Variants in EBF1 observed in about 807,000 individuals in gnomAD.
EBF1 encodes the protein EBF transcription factor 1, also known as transcription factor COE1.
In EBF1, 10 loss-of-function variants were observed where a neutral mutation model predicts 68.4. The ratio of observed to expected loss-of-function variants is 0.15; its 90% confidence interval spans 0.09 to 0.25. EBF1 has a LOEUF of 0.25. EBF1 is among the 10% of genes least tolerant of loss of function. EBF1 has a pLI of 1.00. For synonymous variants in EBF1, 298 were observed against 299.8 expected (o/e 0.99, Z 0.06); for missense variants, 509 against 794.4 (o/e 0.64, Z 4.32).
intron 6 of EBF1, among the ~76,000 whole-genome samples, chr5:159,042,270 C>T (rs773432505): frequency 4.6e-5 from 7 of 152,222 alleles, no homozygotes; most frequent in Admixed American, 3.9e-4. Context: ...GGAATGAGGA[C>T]GTGGCAAACC....
intron 9 of EBF1, among the ~76,000 whole-genome samples, chr5:158,780,938 C>A (rs1776347305): frequency 6.6e-6 from 1 of 152,306 alleles, no homozygotes; most frequent in Admixed American, 6.5e-5. Flanking sequence ...AGAACAGATT[C>A]ATTCTTTGAC....
chr5:159,092,365 A>G (rs554939232), intron 4 of EBF1, among the ~76,000 whole-genome samples: 1 of 152,340 alleles, frequency 6.6e-6, no homozygotes, highest in East Asian at 1.9e-4. Flanking sequence ...TTAAAATATT[A>G]TATCCTGTGT....
intron 6 of EBF1, among the ~76,000 whole-genome samples, chr5:159,047,975 T>A (rs1772766536): frequency 6.6e-6 from 1 of 152,126 alleles, no homozygotes; most frequent in South Asian, 2.1e-4. Context: ...TCCAATCATG[T>A]CTCATTCATC....
chr5:158,984,741 C>T (rs1758672186), intron 6 of EBF1: 2 of 138,584 alleles, frequency 1.4e-5, no homozygotes, highest in South Asian at 4.5e-4. Context: ...GGCTGCAGTG[C>T]AGTGGTTTGA....
At chr5:158,958,338 A>C (rs967207737) in intron 6 of EBF1, among the ~76,000 whole-genome samples, 1 of 151,920 alleles carries the variant, frequency 6.6e-6, no homozygotes, top group Non-Finnish European at 1.5e-5. Flanking sequence ...GTTGTGACCC[A>C]CTCCTGTTAA....
At chr5:159,060,300 C>T (rs1281717619) in intron 6 of EBF1, among the ~76,000 whole-genome samples, 2 of 152,012 alleles carry the variant, frequency 1.3e-5, no homozygotes, top group South Asian at 2.1e-4. Context: ...TGTTGTGTTG[C>T]TATCAATGTA....
chr5:159,021,717 C>G (rs565836442), intron 6 of EBF1, among the ~76,000 whole-genome samples: 2 of 152,186 alleles, frequency 1.3e-5, no homozygotes, highest in Non-Finnish European at 2.9e-5. Flanking sequence ...CACGGCAGCA[C>G]GTCTAAACGA....
chr5:158,712,687 A>C (rs1308491799), intron 13 of EBF1, among the ~76,000 whole-genome samples: 1 of 152,116 alleles, frequency 6.6e-6, no homozygotes, highest in Non-Finnish European at 1.5e-5. Flanking sequence ...TGGGCCCTCA[A>C]AACTTTAATT....
At chr5:158,929,463 T>C (rs1810383368) in intron 6 of EBF1, among the ~76,000 whole-genome samples, 1 of 152,180 alleles carries the variant, frequency 6.6e-6, no homozygotes, top group African/African-American at 2.4e-5. Context: ...CCTAAAGAAC[T>C]AAGTACTTCT....
intron 6 of EBF1, among the ~76,000 whole-genome samples, chr5:158,855,702 G>A (rs1160187371): frequency 1.3e-5 from 2 of 152,226 alleles, no homozygotes; most frequent in Non-Finnish European, 2.9e-5. Context: ...AAGTGAATGA[G>A]TAAGTAAGTA....
intron 6 of EBF1, among the ~76,000 whole-genome samples, chr5:159,068,992 G>C (rs1777344485): frequency 6.6e-6 from 1 of 152,094 alleles, no homozygotes; most frequent in African/African-American, 2.4e-5. Context: ...GGGGAAAAAG[G>C]CATGGTAATT....
At chr5:159,016,231 G>T (rs1292764522) in intron 6 of EBF1, among the ~76,000 whole-genome samples, 1 of 152,146 alleles carries the variant, frequency 6.6e-6, no homozygotes, top group Non-Finnish European at 1.5e-5. Context: ...AACATTTCCT[G>T]GACTTGAATC....
intron 10 of EBF1, among the ~76,000 whole-genome samples, chr5:158,731,682 G>T (rs947679997): frequency 9.2e-5 from 14 of 152,182 alleles, no homozygotes; most frequent in Non-Finnish European, 1.9e-4. Flanking sequence ...GGTATGGAAA[G>T]CCAGTGCCAC....
chr5:158,755,026 G>C (rs1439985958), intron 10 of EBF1, among the ~76,000 whole-genome samples: 1 of 152,094 alleles, frequency 6.6e-6, no homozygotes, highest in Non-Finnish European at 1.5e-5. Flanking sequence ...GTGGGACAAT[G>C]ACAACAATGA....
chr5:158,765,989 T>A (rs2127635399), intron 10 of EBF1, among the ~76,000 whole-genome samples: 1 of 152,322 alleles, frequency 6.6e-6, no homozygotes, highest in African/African-American at 2.4e-5. Flanking sequence ...TCTCATTAAA[T>A]ATTTGAGTAT....
intron 6 of EBF1, among the ~76,000 whole-genome samples, chr5:158,959,386 C>T (rs1040803960): frequency 1.5e-4 from 22 of 151,132 alleles, no homozygotes; most frequent in South Asian, 2.1e-4. Context: ...CTGTCTCCAG[C>T]GTTCAAGAGA....
At chr5:159,038,265 C>G (rs1018952382) in intron 6 of EBF1, among the ~76,000 whole-genome samples, 13 of 152,108 alleles carry the variant, frequency 8.5e-5, no homozygotes, top group Admixed American at 3.9e-4. Context: ...CCATGGGAAA[C>G]AGTGGAGGGA....
chr5:158,840,132 T>C (rs1277782244), intron 6 of EBF1, 22 bp from the exon 7 acceptor site: 2 of 1,597,522 alleles, frequency 1.3e-6, no homozygotes, highest in East Asian at 2.2e-5. Context: ...CAAATCATCA[T>C]GGTTAGCATT....
intron 7 of EBF1, among the ~76,000 whole-genome samples, chr5:158,824,908 C>A (rs1453354491): frequency 6.6e-6 from 1 of 152,224 alleles, no homozygotes; most frequent in Non-Finnish European, 1.5e-5. Flanking sequence ...AGGCTATGAA[C>A]ACATCACCCA....
Sources: allele counts gnomAD v4.1 joint callset (sites outside exome capture counted in the v4.1 genomes callset), GRCh38; gene constraint gnomAD v4.1.1; transcripts MANE v1.5; gene names NCBI Gene and HGNC (gene_info 2026-07-23, HGNC 2026-07-21).